EPC2: variants seen among roughly 807,000 people sequenced by gnomAD.
EPC2 encodes enhancer of polycomb homolog 2.
Under a neutral mutation model 92.1 loss-of-function variants are expected in EPC2, and 14 were observed. That is an observed-to-expected ratio of 0.15 (90% CI 0.10 to 0.24). The LOEUF (loss-of-function observed/expected upper bound fraction) is 0.24. Ranked by LOEUF, EPC2 falls within the 10% of genes least tolerant of loss-of-function variation. EPC2 has a pLI of 1.00. For synonymous variants in EPC2, 340 were observed against 334.7 expected (o/e 1.02, Z -0.17); for missense variants, 755 against 971.5 (o/e 0.78, Z 2.96).
intron 1 of EPC2, among the ~76,000 whole-genome samples, chr2:148,677,787 T>G (rs1380708872): frequency 2.6e-5 from 4 of 152,074 alleles, no homozygotes. Flanking sequence ...GCAGTGAGTG[T>G]TACAGCTCTT....
At chr2:148,718,003 C>T (rs543880683) in intron 2 of EPC2, among the ~76,000 whole-genome samples, 3 of 152,246 alleles carry the variant, frequency 2.0e-5, no homozygotes, top group East Asian at 1.9e-4. Flanking sequence ...TCATGCCCTT[C>T]GTTGTCTTTT....
intron 1 of EPC2, among the ~76,000 whole-genome samples, chr2:148,685,980 G>C (rs1476025597): frequency 6.6e-6 from 1 of 152,152 alleles, no homozygotes; most frequent in Non-Finnish European, 1.5e-5. Flanking sequence ...AGACTGATCA[G>C]GGTAATGTTT....
At chr2:148,646,753 G>T (rs1264288016) in intron 1 of EPC2, among the ~76,000 whole-genome samples, 1 of 152,090 alleles carries the variant, frequency 6.6e-6, no homozygotes, top group Non-Finnish European at 1.5e-5. Flanking sequence ...TCCAAAGAAA[G>T]ATGGCCTTAA....
chr2:148,737,433 T>G (rs1469082801), intron 2 of EPC2, among the ~76,000 whole-genome samples: 1 of 152,156 alleles, frequency 6.6e-6, no homozygotes, highest in East Asian at 1.9e-4. Context: ...GCTGACAGTA[T>G]TTTTGTATTT....
intron 4 of EPC2, among the ~76,000 whole-genome samples, chr2:148,757,762 A>G (rs1439668193): frequency 1.3e-5 from 2 of 151,942 alleles, no homozygotes; most frequent in East Asian, 3.9e-4. Context: ...GCTTGAACCC[A>G]GGAGAGAAGT....
intron 2 of EPC2, among the ~76,000 whole-genome samples, chr2:148,706,720 A>G (rs1361481443): frequency 6.6e-6 from 1 of 152,204 alleles, no homozygotes; most frequent in Non-Finnish European, 1.5e-5. Context: ...AGAATTTCCA[A>G]CCCAGAATTT....
At position 148,786,830 on chromosome 2, in the gene EPC2, C is replaced by G. The variant is rs1683877097; in HGVS notation, c.*453C>G. On this transcript the variant is annotated 3_prime_UTR_variant, in exon 14 of 14. Coordinates refer to ENST00000258484, the MANE Select transcript of EPC2 (RefSeq NM_015630.4). ...GAAATGAAATTCTTGTAATTTTTTT[C>G]TAAAGGAACTGTAAAGTTTTCACTT... The G allele has an allele frequency of 6.5e-6, 1 of 153,000 alleles. No individual in the cohort carries two copies. Among genetic ancestry groups the G allele is most frequent in the Non-Finnish European group, 1.5e-5 (1 of 68,376 alleles). 9.5% of individuals were successfully genotyped at this position (153,000 alleles called of 1,614,324 possible). A position where few individuals can be genotyped will look rare whatever the true frequency, so the allele number is the denominator to read the frequency against.
chr2:148,768,201 A>C (rs1476294188), intron 7 of EPC2, among the ~76,000 whole-genome samples: 1 of 152,252 alleles, frequency 6.6e-6, no homozygotes, highest in African/African-American at 2.4e-5. Context: ...GCCAGCGTTT[A>C]TCAGAAAAAG....
At chr2:148,748,632 A>G (rs1574620880) in intron 3 of EPC2, among the ~76,000 whole-genome samples, 1 of 152,286 alleles carries the variant, frequency 6.6e-6, no homozygotes, top group East Asian at 1.9e-4. Context: ...ATGGAACCCA[A>G]CTGTAAACAT....
In EPC2 at chr2:148,764,993, T is replaced by A; in HGVS notation, c.987T>A (p.Asp329Glu). 1.2e-6 allele frequency: 2 copies of A among 1,601,442 alleles called. No homozygotes were observed. The highest frequency in any genetic ancestry group is 1.7e-4 in the Middle Eastern group (1 of 6,016). The change falls in exon 7 of 14, where the codon GAT (aspartate) becomes GAA (glutamate). Residue 329 changes from aspartate (D) to glutamate (E), a missense_variant. Around this residue, in one of 4 missense-constraint regions of EPC2, gnomAD observed 509 missense variants for 607.7 expected, o/e 0.84. Transcript: ENST00000258484. ...HHLSLKEEAS[D>E]VVRQKKKYPK... ...TGTCTTTGAAAGAAGAGGCTTCTGA[T>A]GTGGTTCGTCAAAAGAAGAAGTACC...
chr2:148,693,923 C>G (rs952310254), intron 2 of EPC2, among the ~76,000 whole-genome samples: 4 of 152,130 alleles, frequency 2.6e-5, no homozygotes, highest in African/African-American at 9.7e-5. Context: ...GTGGCACTGA[C>G]CACCTTCAGT....
At chr2:148,647,032 C>T (rs534259324) in intron 1 of EPC2, among the ~76,000 whole-genome samples, 9 of 152,012 alleles carry the variant, frequency 5.9e-5, no homozygotes, top group Non-Finnish European at 1.2e-4. Context: ...ATTGCTTGAA[C>T]CCGGGAGAAA....
At chr2:148,742,155 T>A (rs559949602) in intron 2 of EPC2, among the ~76,000 whole-genome samples, 1 of 152,348 alleles carries the variant, frequency 6.6e-6, no homozygotes, top group South Asian at 2.1e-4. Context: ...TTGTATTTTT[T>A]ACTTCTTGCA....
intron 4 of EPC2, among the ~76,000 whole-genome samples, chr2:148,758,130 C>A (rs932042520): frequency 8.6e-6 from 1 of 116,520 alleles, no homozygotes; most frequent in Non-Finnish European, 1.6e-5. Flanking sequence ...GGATTCTACC[C>A]CATAGAGTAA....
At chr2:148,672,376 C>T (rs763155272) in intron 1 of EPC2, among the ~76,000 whole-genome samples, 23 of 152,192 alleles carry the variant, frequency 1.5e-4, no homozygotes, top group Non-Finnish European at 1.3e-4. Context: ...AGCATGTGGT[C>T]GGAGTCTTTT....
At chr2:148,689,114 G>C (rs1681589850) in intron 1 of EPC2, among the ~76,000 whole-genome samples, 1 of 152,122 alleles carries the variant, frequency 6.6e-6, no homozygotes, top group Non-Finnish European at 1.5e-5. Context: ...TAGAATTAAA[G>C]ATTGGAGAGG....
At chr2:148,770,990 AAG>A in intron 9 of EPC2, 52 bp from the exon 10 acceptor site, 1 of 1,597,744 alleles carries the variant, frequency 6.3e-7, no homozygotes, top group Non-Finnish European at 8.5e-7. Flanking sequence ...ACAGAAGACA[AAG>A]AGAACATGTT....
rs113622208 is a variant in EPC2 at position 148,762,911 on chromosome 2, G to C, written c.948+109G>C. On this transcript the variant is annotated intron_variant, in intron 6 of 13. Coordinates refer to ENST00000258484, the MANE Select transcript of EPC2 (RefSeq NM_015630.4). Reference sequence around the variant, plus strand: ...TTTGAGTAAAGAAAAAGTAATTAACGTGACTTTAGTTCTTACCATGAGCCA... The same window carrying C: ...TTTGAGTAAAGAAAAAGTAATTAACCTGACTTTAGTTCTTACCATGAGCCA... 142 of 1,225,458 alleles carry C rather than the reference G, an allele frequency of 1.2e-4. 1 individual carries two copies. The African/African-American group carries it at 1.8e-3, about 15-fold the overall frequency. 75.9% of individuals were successfully genotyped at this position (1,225,458 alleles called of 1,614,324 possible). A position where few individuals can be genotyped will look rare whatever the true frequency, so the allele number is the denominator to read the frequency against.
At chr2:148,726,864 T>C (rs1241013520) in intron 2 of EPC2, among the ~76,000 whole-genome samples, 1 of 151,850 alleles carries the variant, frequency 6.6e-6, no homozygotes, top group Non-Finnish European at 1.5e-5. Flanking sequence ...CAGATATTTT[T>C]CCCTTTCCAT....
Sources: gnomAD v4.1 joint callset for allele counts (sites outside exome capture counted in the v4.1 genomes callset) on GRCh38, gnomAD v4.1.1 for gene constraint, gnomAD v4.1.1 regional missense constraint, MANE v1.5 for transcripts, NCBI Gene and HGNC (gene_info 2026-07-23, HGNC 2026-07-21) for gene names.